The following RIGI variants were observed in gnomAD, a reference collection of about 807,000 sequenced individuals.
RIGI encodes the protein RNA sensor RIG-I, also known as antiviral innate immune response receptor RIG-I.
the RIGI span, among the ~76,000 whole-genome samples, chr9:32,518,482 T>C: frequency 1.3e-5 from 2 of 152,114 alleles, no homozygotes; most frequent in Non-Finnish European, 2.9e-5. Flanking sequence ...GTAGTTTCTT[T>C]CCTATTTCTT....
At chr9:32,457,122 T>C in the RIGI span, 2 of 1,610,216 alleles carry the variant, frequency 1.2e-6, no homozygotes, top group Non-Finnish European at 1.7e-6. Flanking sequence ...GGACCTGATA[T>C]CATTTGGACA....
the RIGI span, among the ~76,000 whole-genome samples, chr9:32,520,210 G>A: frequency 1.3e-5 from 2 of 151,776 alleles, no homozygotes; most frequent in Middle Eastern, 3.2e-3. Flanking sequence ...GAGGCTCTAG[G>A]TCACAGTTTT....
the RIGI span, among the ~76,000 whole-genome samples, chr9:32,466,107 C>G: frequency 1.3e-5 from 2 of 152,136 alleles, no homozygotes; most frequent in Non-Finnish European, 2.9e-5. Context: ...CAGTTATTAG[C>G]ACTATTAAAT....
the RIGI span, chr9:32,487,879 G>A: frequency 1.3e-6 from 2 of 1,556,718 alleles, no homozygotes; most frequent in South Asian, 2.4e-5. Context: ...GTGGCCATAA[G>A]AGTAAGAAAA....
the RIGI span, chr9:32,467,627 T>C: frequency 1.3e-6 from 1 of 762,810 alleles, no homozygotes; most frequent in Non-Finnish European, 1.9e-6. Context: ...TAAGGGCCAA[T>C]GATACCAAAG....
At chr9:32,471,296 T>C in the RIGI span, among the ~76,000 whole-genome samples, 10 of 152,306 alleles carry the variant, frequency 6.6e-5, no homozygotes, top group African/African-American at 2.2e-4. Context: ...TTTCCTAATA[T>C]ATTTCCAGCC....
chr9:32,480,292 C>T, the RIGI span: 1 of 1,610,994 alleles, frequency 6.2e-7, no homozygotes. Context: ...AGAAGTCTTT[C>T]AAGTAATCCA....
At chr9:32,499,799 G>C in the RIGI span, among the ~76,000 whole-genome samples, 1 of 151,540 alleles carries the variant, frequency 6.6e-6, no homozygotes, top group African/African-American at 2.4e-5. Flanking sequence ...ATGTTGCCCA[G>C]GCTGGAGTGC....
the RIGI span, among the ~76,000 whole-genome samples, chr9:32,519,464 A>G: frequency 6.6e-6 from 1 of 152,228 alleles, no homozygotes; most frequent in African/African-American, 2.4e-5. Context: ...CTAGAGAGCT[A>G]TAAGAACTTT....
chr9:32,522,178 T>C, the RIGI span, among the ~76,000 whole-genome samples: 22 of 152,298 alleles, frequency 1.4e-4, no homozygotes, highest in South Asian at 1.0e-3. Flanking sequence ...GGGACTGAAA[T>C]AATTTTTTAT....
the RIGI span, chr9:32,492,518 C>T: frequency 6.2e-7 from 1 of 1,614,218 alleles, no homozygotes; most frequent in Non-Finnish European, 8.5e-7. Flanking sequence ...CACCTGCCAT[C>T]ATCCCCTTAG....
chr9:32,470,772 A>C, the RIGI span, among the ~76,000 whole-genome samples: 1 of 152,264 alleles, frequency 6.6e-6, no homozygotes, highest in African/African-American at 2.4e-5. Flanking sequence ...TTTGTAAAAA[A>C]AGGTGTTCAC....
the RIGI span, among the ~76,000 whole-genome samples, chr9:32,464,117 G>A: frequency 5.3e-5 from 8 of 151,726 alleles, no homozygotes; most frequent in Non-Finnish European, 1.0e-4. Context: ...CAGCTGGGGC[G>A]CTGGGGAAGA....
At chr9:32,476,969 G>A in the RIGI span, 1 of 1,607,872 alleles carries the variant, frequency 6.2e-7, no homozygotes, top group Non-Finnish European at 8.5e-7. Flanking sequence ...TCTACAAGGA[G>A]AAAAAAAGCT....
chr9:32,476,539 T>C, the RIGI span, among the ~76,000 whole-genome samples: 1 of 151,860 alleles, frequency 6.6e-6, no homozygotes, highest in African/African-American at 2.4e-5. Flanking sequence ...CAGTGAGGCA[T>C]TAGAGTATTA....
the RIGI span, chr9:32,473,135 A>G: frequency 5.2e-6 from 6 of 1,162,954 alleles, no homozygotes; most frequent in Non-Finnish European, 6.0e-6. Context: ...ATATTGAAAT[A>G]CATGCAAAAA....
the RIGI span, chr9:32,493,807 TCA>T: frequency 6.2e-7 from 1 of 1,609,758 alleles, no homozygotes. Context: ...TTCAGACAGA[TCA>T]GAAATGATAT....
At chr9:32,493,601 C>T in the RIGI span, among the ~76,000 whole-genome samples, 5 of 151,256 alleles carry the variant, frequency 3.3e-5, no homozygotes, top group African/African-American at 7.3e-5. Context: ...CCAGCCTGGG[C>T]GACAGAGCGA....
At chr9:32,458,074 C>G in the RIGI span, among the ~76,000 whole-genome samples, 1 of 152,148 alleles carries the variant, frequency 6.6e-6, no homozygotes, top group Non-Finnish European at 1.5e-5. Context: ...TTTGCCCAAA[C>G]AGCTGAGCTG....
Sources: gnomAD v4.1 joint callset for allele counts (sites outside exome capture counted in the v4.1 genomes callset) on GRCh38, gnomAD v4.1.1 for gene constraint, MANE v1.5 for transcripts, NCBI Gene and HGNC (gene_info 2026-07-23, HGNC 2026-07-21) for gene names.